Variants in LDLRAD3 observed in about 807,000 individuals in gnomAD.
LDLRAD3 encodes low density lipoprotein receptor class A domain containing 3, also known as low-density lipoprotein receptor class A domain-containing protein 3.
Under a neutral mutation model 29.4 loss-of-function variants are expected in LDLRAD3, and 20 were observed. The observed-to-expected ratio is 0.68, with a 90% CI of 0.48 to 0.99. The LOEUF is 0.99. LDLRAD3 is among the 50% of genes least tolerant of loss of function. The probability of loss-of-function intolerance (pLI) is 0.00; values close to 1 mark genes in which losing one functional copy is unlikely to be tolerated. For synonymous variants in LDLRAD3, 157 were observed against 192.7 expected (o/e 0.81, Z 1.53); for missense variants, 420 against 454.3 (o/e 0.92, Z 0.69).
intron 1 of LDLRAD3, among the ~76,000 whole-genome samples, chr11:36,013,684 T>C (rs947727711): frequency 6.6e-6 from 1 of 152,168 alleles, no homozygotes. Flanking sequence ...ATATGTGCCA[T>C]ATTTTCTTTA....
intron 1 of LDLRAD3, among the ~76,000 whole-genome samples, chr11:35,977,684 A>T (rs1697734900): frequency 6.6e-6 from 1 of 152,114 alleles, no homozygotes; most frequent in South Asian, 2.1e-4. Context: ...TAGACAATAG[A>T]AATTGATCAC....
intron 4 of LDLRAD3, among the ~76,000 whole-genome samples, chr11:36,155,735 C>T (rs999913722): frequency 6.6e-6 from 1 of 152,198 alleles, no homozygotes; most frequent in Admixed American, 6.5e-5. Context: ...GCCTCTTGTT[C>T]ACCCCTGTTA....
At chr11:36,145,360 C>T (rs1854172532) in intron 4 of LDLRAD3, among the ~76,000 whole-genome samples, 6 of 98,842 alleles carry the variant, frequency 6.1e-5, no homozygotes, top group African/African-American at 1.4e-4. Flanking sequence ...GCCCGGCCAG[C>T]CGCCCCGTCT....
chr11:36,077,254 A>G (rs1186215679), intron 2 of LDLRAD3, among the ~76,000 whole-genome samples: 1 of 152,022 alleles, frequency 6.6e-6, no homozygotes, highest in Non-Finnish European at 1.5e-5. Context: ...ATCCTCCTGT[A>G]TTTCTTTTGC....
At chr11:36,067,778 C>T (rs1024670731) in intron 2 of LDLRAD3, among the ~76,000 whole-genome samples, 3 of 152,206 alleles carry the variant, frequency 2.0e-5, no homozygotes, top group Non-Finnish European at 4.4e-5. Flanking sequence ...TGAAGCGATC[C>T]TCCCACCCCA....
chr11:35,983,533 C>T (rs1851569783), intron 1 of LDLRAD3, among the ~76,000 whole-genome samples: 1 of 152,184 alleles, frequency 6.6e-6, no homozygotes, highest in South Asian at 2.1e-4. Context: ...CACCTAGACC[C>T]CTGTAGGGGG....
At chr11:36,169,474 AC>A (rs1854564151) in intron 4 of LDLRAD3, among the ~76,000 whole-genome samples, 1 of 152,114 alleles carries the variant, frequency 6.6e-6, no homozygotes, top group Non-Finnish European at 1.5e-5. Flanking sequence ...GCTTCTGGTA[AC>A]CATCATTCTA....
At chr11:35,969,318 T>C (rs1851383078) in intron 1 of LDLRAD3, among the ~76,000 whole-genome samples, 1 of 152,202 alleles carries the variant, frequency 6.6e-6, no homozygotes, top group African/African-American at 2.4e-5. Context: ...ATTTTCCTCT[T>C]TTAATGGAAG....
chr11:36,094,300 T>G (rs1280190861), intron 3 of LDLRAD3, among the ~76,000 whole-genome samples: 1 of 152,224 alleles, frequency 6.6e-6, no homozygotes, highest in African/African-American at 2.4e-5. Flanking sequence ...CTAGCACCAG[T>G]TTTTGTACAT....
intron 4 of LDLRAD3, among the ~76,000 whole-genome samples, chr11:36,139,877 A>G (rs1854056078): frequency 1.3e-5 from 2 of 152,218 alleles, no homozygotes; most frequent in African/African-American, 4.8e-5. Flanking sequence ...GCTTGGCAGC[A>G]GGAATCCAGC....
chr11:36,022,037 A>C (rs1277935740), intron 1 of LDLRAD3, among the ~76,000 whole-genome samples: 1 of 152,168 alleles, frequency 6.6e-6, no homozygotes, highest in African/African-American at 2.4e-5. Context: ...TGCCCCTGTT[A>C]GCAGGGAGCA....
At chr11:36,108,358 C>T (rs1853561761) in intron 4 of LDLRAD3, among the ~76,000 whole-genome samples, 1 of 139,238 alleles carries the variant, frequency 7.2e-6, no homozygotes, top group East Asian at 2.1e-4. Context: ...AGATGCATTC[C>T]AGTTTCAGAA....
At chr11:36,010,798 C>T (rs1835082829) in intron 1 of LDLRAD3, among the ~76,000 whole-genome samples, 1 of 152,084 alleles carries the variant, frequency 6.6e-6, no homozygotes, top group Admixed American at 6.6e-5. Flanking sequence ...TAAATTTCCC[C>T]CTCCTTAGAA....
intron 4 of LDLRAD3, among the ~76,000 whole-genome samples, chr11:36,133,330 C>A (rs1324324759): frequency 6.6e-6 from 1 of 150,460 alleles, no homozygotes; most frequent in Non-Finnish European, 1.5e-5. Flanking sequence ...GCCATCATGC[C>A]CAGCCTGAGT....
At chr11:36,075,002 G>T (rs1852972613) in intron 2 of LDLRAD3, among the ~76,000 whole-genome samples, 2 of 152,132 alleles carry the variant, frequency 1.3e-5, no homozygotes, top group Admixed American at 1.3e-4. Context: ...AATTTCAGTA[G>T]GTTTCCCATT....
chr11:36,103,297 C>T (rs924680031), intron 4 of LDLRAD3, among the ~76,000 whole-genome samples: 13 of 141,408 alleles, frequency 9.2e-5, no homozygotes, highest in Middle Eastern at 8.5e-3. Flanking sequence ...AGTGCAGTGG[C>T]GCGATCTCAG....
At chr11:36,069,913 A>G (rs371386056) in intron 2 of LDLRAD3, among the ~76,000 whole-genome samples, 7 of 152,344 alleles carry the variant, frequency 4.6e-5, no homozygotes, top group African/African-American at 1.7e-4. Flanking sequence ...GTAAGGCCTC[A>G]TGCTGTAAAT....
At chr11:36,104,455 T>C (rs890938979) in intron 4 of LDLRAD3, among the ~76,000 whole-genome samples, 6 of 152,186 alleles carry the variant, frequency 3.9e-5, no homozygotes, top group Non-Finnish European at 7.4e-5. Flanking sequence ...ATTAGATAAC[T>C]GACATACTGA....
chr11:36,088,147 ACCCAGCCC>A (rs1853223019), intron 3 of LDLRAD3, among the ~76,000 whole-genome samples: 1 of 151,686 alleles, frequency 6.6e-6, no homozygotes, highest in African/African-American at 2.4e-5. Flanking sequence ...GAGCCACCCC[ACCCAGCCC>A]CCCAAAACCA....
Sources: allele counts gnomAD v4.1 joint callset (sites outside exome capture counted in the v4.1 genomes callset), GRCh38; gene constraint gnomAD v4.1.1; transcripts MANE v1.5; gene names NCBI Gene and HGNC (gene_info 2026-07-23, HGNC 2026-07-21).